Variants in CSMD1 observed in about 807,000 individuals in gnomAD.
CSMD1 encodes CUB and sushi domain-containing protein 1.
A neutral mutation model predicts 417.5 loss-of-function variants in CSMD1; 213 were observed. The observed-to-expected ratio is 0.51, with a 90% CI of 0.46 to 0.57. The LOEUF is 0.57. CSMD1 is among the 20% of genes least tolerant of loss of function. CSMD1 has a pLI of 0.00. For synonymous variants in CSMD1, 2,862 were observed against 1,736.8 expected (o/e 1.65, Z -16.11); for missense variants, 6,923 against 4,529.7 (o/e 1.53, Z -15.17).
intron 3 of CSMD1, among the ~76,000 whole-genome samples, chr8:4,034,692 A>C (rs890370391): frequency 1.3e-5 from 2 of 152,188 alleles, no homozygotes; most frequent in Non-Finnish European, 2.9e-5. Flanking sequence ...AAAAAAAGTA[A>C]ACATGTGGAC....
chr8:3,514,936 A>C (rs1171761814), intron 10 of CSMD1, among the ~76,000 whole-genome samples: 1 of 152,212 alleles, frequency 6.6e-6, no homozygotes, highest in African/African-American at 2.4e-5. Flanking sequence ...AAGCAAATGT[A>C]TTTGAATTGA....
chr8:3,982,824 T>C (rs1300956207), intron 5 of CSMD1, among the ~76,000 whole-genome samples: 2 of 152,210 alleles, frequency 1.3e-5, no homozygotes, highest in South Asian at 4.1e-4. Context: ...GGGAGCACGA[T>C]GGTCACTTTC....
At chr8:3,716,387 C>G (rs1801833972) in intron 6 of CSMD1, among the ~76,000 whole-genome samples, 1 of 152,184 alleles carries the variant, frequency 6.6e-6, no homozygotes, top group Non-Finnish European at 1.5e-5. Context: ...CCGCTGGTTG[C>G]CCATTTTTAT....
At chr8:4,358,792 G>A (rs1462123341) in intron 3 of CSMD1, among the ~76,000 whole-genome samples, 8 of 152,122 alleles carry the variant, frequency 5.3e-5, no homozygotes, top group African/African-American at 1.9e-4. Flanking sequence ...TGTCAGCCAA[G>A]GCAAGGGTAA....
At chr8:4,962,500 C>T (rs370752335) in intron 1 of CSMD1, among the ~76,000 whole-genome samples, 19 of 152,282 alleles carry the variant, frequency 1.2e-4, no homozygotes, top group African/African-American at 1.7e-4. Context: ...CATGTCCCAT[C>T]GTGCCCAGCC....
chr8:4,125,436 G>A (rs1057321304), intron 3 of CSMD1, among the ~76,000 whole-genome samples: 1 of 152,164 alleles, frequency 6.6e-6, no homozygotes, highest in African/African-American at 2.4e-5. Context: ...TTCATCTGTT[G>A]CTTGATGTCC....
intron 3 of CSMD1, among the ~76,000 whole-genome samples, chr8:4,037,863 T>C (rs528478299): frequency 9.2e-5 from 14 of 152,200 alleles, no homozygotes; most frequent in African/African-American, 3.1e-4. Context: ...TCATATATTC[T>C]CGTATACATA....
At chr8:3,871,093 G>A (rs1805454520) in intron 5 of CSMD1, among the ~76,000 whole-genome samples, 1 of 151,688 alleles carries the variant, frequency 6.6e-6, no homozygotes, top group East Asian at 1.9e-4. Flanking sequence ...TTTAACAATT[G>A]TCCTATTAAT....
intron 3 of CSMD1, among the ~76,000 whole-genome samples, chr8:4,229,890 G>A (rs998656342): frequency 2.0e-5 from 3 of 152,036 alleles, no homozygotes; most frequent in East Asian, 1.9e-4. Context: ...TCTGTGTATC[G>A]CTTTGAGTGA....
At chr8:3,744,377 A>G (rs1796963539) in intron 6 of CSMD1, among the ~76,000 whole-genome samples, 1 of 152,216 alleles carries the variant, frequency 6.6e-6, no homozygotes, top group Non-Finnish European at 1.5e-5. Flanking sequence ...CAGCAGGACC[A>G]GATTTGGAAC....
chr8:3,634,039 T>C (rs151085054), intron 7 of CSMD1, among the ~76,000 whole-genome samples: 1 of 128,146 alleles, frequency 7.8e-6, no homozygotes, highest in East Asian at 2.3e-4. Flanking sequence ...GTCAGTGAAA[T>C]AAAGGGCTGA....
At chr8:4,632,946 G>A (rs945859858) in intron 2 of CSMD1, among the ~76,000 whole-genome samples, 1 of 152,148 alleles carries the variant, frequency 6.6e-6, no homozygotes, top group Non-Finnish European at 1.5e-5. Flanking sequence ...ACTTTTCAGG[G>A]GACAAACGGG....
At chr8:4,718,356 C>T (rs1158908189) in intron 1 of CSMD1, among the ~76,000 whole-genome samples, 1 of 152,112 alleles carries the variant, frequency 6.6e-6, no homozygotes, top group Non-Finnish European at 1.5e-5. Flanking sequence ...TGGTAAAATT[C>T]ACCTAAATAT....
At chr8:4,744,416 G>T (rs1478124431) in intron 1 of CSMD1, among the ~76,000 whole-genome samples, 2 of 152,128 alleles carry the variant, frequency 1.3e-5, no homozygotes, top group African/African-American at 4.8e-5. Context: ...AGCCTGCGCA[G>T]GACACAGCTT....
At chr8:3,975,757 T>G (rs146246679) in intron 5 of CSMD1, among the ~76,000 whole-genome samples, 1 of 152,298 alleles carries the variant, frequency 6.6e-6, no homozygotes, top group African/African-American at 2.4e-5. Flanking sequence ...AAATGTCATG[T>G]CCAAGTCTTC....
intron 1 of CSMD1, among the ~76,000 whole-genome samples, chr8:4,836,194 C>T (rs1435905884): frequency 1.3e-5 from 2 of 152,196 alleles, no homozygotes; most frequent in East Asian, 1.9e-4. Context: ...TGAATTGATT[C>T]AGGCATTCAT....
At chr8:3,006,906 A>G (rs1159167349) in intron 52 of CSMD1, among the ~76,000 whole-genome samples, 1 of 141,268 alleles carries the variant, frequency 7.1e-6, no homozygotes, top group African/African-American at 3.1e-5. Flanking sequence ...TGGCAACAAA[A>G]GACAAAATTG....
chr8:4,048,319 G>C (rs1041393948), intron 3 of CSMD1, among the ~76,000 whole-genome samples: 2 of 152,170 alleles, frequency 1.3e-5, no homozygotes, highest in African/African-American at 4.8e-5. Flanking sequence ...AAAGAGGGGA[G>C]TCTTTCATTT....
At chr8:4,862,031 G>A (rs557248947) in intron 1 of CSMD1, among the ~76,000 whole-genome samples, 5 of 152,148 alleles carry the variant, frequency 3.3e-5, no homozygotes, top group South Asian at 2.1e-4. Context: ...TGAACAGGAG[G>A]GATTGCGTTT....
Sources: gnomAD v4.1 joint callset for allele counts (sites outside exome capture counted in the v4.1 genomes callset) on GRCh38, gnomAD v4.1.1 for gene constraint, MANE v1.5 for transcripts, NCBI Gene and HGNC (gene_info 2026-07-23, HGNC 2026-07-21) for gene names.